The following PES1 variants were observed in gnomAD, a reference collection of about 807,000 sequenced individuals.
The protein encoded by PES1 is pescadillo ribosomal biogenesis factor 1.
Under a neutral mutation model 77.1 loss-of-function variants are expected in PES1, and 31 were observed. That is an observed-to-expected ratio of 0.40 (90% CI 0.30 to 0.54). The LOEUF is 0.54. PES1 is among the 20% of genes least tolerant of loss of function. The pLI is 0.45. For synonymous variants in PES1, 282 were observed against 303.0 expected, an observed-to-expected ratio of 0.93 and a Z score of 0.72; for missense variants, 658 against 771.7, an observed-to-expected ratio of 0.85 and a Z score of 1.75.
At chr22:30,602,742 A>G (rs946500261) in intron 2 of PES1, among the ~76,000 whole-genome samples, 1 of 151,918 alleles carries the variant, frequency 6.6e-6, no homozygotes, top group Non-Finnish European at 1.5e-5. Context: ...GAAGTTTTAT[A>G]GTTTTGTGTT....
chr22:30,606,972 C>A, exon 1 of PES1: 1 of 835,456 alleles, frequency 1.2e-6, no homozygotes, highest in Non-Finnish European at 1.6e-6. Flanking sequence ...ACAGACTTGA[C>A]AGATCAGGCA....
At chr22:30,603,395 T>A (rs1258764879) in intron 2 of PES1, among the ~76,000 whole-genome samples, 3 of 151,882 alleles carry the variant, frequency 2.0e-5, no homozygotes, top group African/African-American at 7.3e-5. Context: ...GTTTTTTGTT[T>A]CTCCGAGATG....
At chr22:30,602,679 C>A (rs1029141530) in intron 2 of PES1, among the ~76,000 whole-genome samples, 1 of 152,026 alleles carries the variant, frequency 6.6e-6, no homozygotes, top group Non-Finnish European at 1.5e-5. Flanking sequence ...ACAATTATTT[C>A]TTTGATGGAC....
chr22:30,602,730 T>A (rs568689612), intron 2 of PES1, among the ~76,000 whole-genome samples: 2 of 152,258 alleles, frequency 1.3e-5, no homozygotes, highest in Admixed American at 1.3e-4. Context: ...TCACCTCTTC[T>A]TGAAGTTTTA....
At chr22:30,596,109 G>C (rs2087248897), upstream of PES1, among the ~76,000 whole-genome samples, 5 of 152,104 alleles carry the variant, frequency 3.3e-5, no homozygotes, top group Admixed American at 3.3e-4. Flanking sequence ...AAAATTCAGA[G>C]CTCAAATGGT....
At position 30,577,033 on chromosome 22, in the gene PES1, G is replaced by C. The variant is rs760004066; in HGVS notation, c.*13C>G. The C allele has an allele frequency of 1.9e-6, 3 of 1,608,846 alleles. No homozygotes were observed. The highest frequency in any genetic ancestry group is 2.6e-6 in the Non-Finnish European group (3 of 1,175,946). On this transcript the variant is annotated 3_prime_UTR_variant, in exon 15 of 15. Coordinates refer to ENST00000354694, the MANE Select transcript of PES1 (RefSeq NM_014303.4). ...TAGGGGCTGGCCTCAGCCCTGTGAG[G>C]GGCCGCAGGCACTCACTCCGGCCTT...
chr22:30,600,959 A>G (rs1314041888), intron 2 of PES1, among the ~76,000 whole-genome samples: 1 of 152,230 alleles, frequency 6.6e-6, no homozygotes, highest in Non-Finnish European at 1.5e-5. Flanking sequence ...AGGTAATCTC[A>G]GGGTTTATCC....
At chr22:30,589,046 C>A in intron 2 of PES1, 145 bp downstream of exon 2, 1 of 617,674 alleles carries the variant, frequency 1.6e-6, no homozygotes, top group Non-Finnish European at 2.9e-6. Flanking sequence ...CTAGCAAACA[C>A]AACTCACTAA....
Position 30,589,366 on chromosome 22 carries a change from G to A in PES1, c.25-96C>T, listed in dbSNP as rs1602019312. On this transcript the variant is annotated intron_variant, in intron 1 of 14. Transcript: ENST00000354694. The stretch of plus-strand genomic sequence containing the variant: ...TAGTTCCAGAGGCAACTATCACTCT[G>A]GATAAGTGGCTGAGATGAGTCTAGG... 11 of 1,030,594 alleles carry A rather than the reference G, an allele frequency of 1.1e-5. No individual in the cohort carries two copies. The East Asian group carries it at 2.6e-4, about 24-fold the overall frequency. 63.8% of individuals were successfully genotyped at this position (1,030,594 alleles called of 1,614,324 possible).
In PES1 at chr22:30,581,298, T is replaced by TG. The variant is rs1265417768; in HGVS notation, c.822+35dup. On this transcript the variant is annotated intron_variant, in intron 8 of 14. Transcript: ENST00000354694. ...GTGTTGGGGACAGAGACCACTCCCT[T>TG]GGGAGATGCCGGATGATGCTCCTGG... 5.6e-6 allele frequency: 9 copies of TG among 1,602,656 alleles called. No homozygotes were observed. In the African/African-American group the frequency reaches 1.1e-4, roughly 19 times the overall value.
At chr22:30,584,100 G>T in intron 6 of PES1, 1 of 515,890 alleles carries the variant, frequency 1.9e-6, no homozygotes, top group Non-Finnish European at 3.5e-6. Flanking sequence ...ACTGTTAAGG[G>T]TGTAGACACT....
At position 30,584,278 on chromosome 22, in the gene PES1, C is replaced by A; in HGVS notation, c.630+87G>T. ...TTGGGAACCCAGCACTTGCTAAACT[C>A]CATGGACAGCAAAATCCCCCTTCCT... On this transcript the variant is annotated intron_variant, in intron 6 of 14. Transcript: ENST00000354694. 4 of 1,088,438 alleles carry A rather than the reference C, an allele frequency of 3.7e-6. No individual in the cohort carries two copies. In the South Asian group the frequency reaches 5.5e-5, roughly 15 times the overall value. 67.4% of individuals were successfully genotyped at this position (1,088,438 alleles called of 1,614,324 possible).
At position 30,580,046 on chromosome 22, in the gene PES1, G is replaced by T. The variant is rs1271604980; in HGVS notation, c.1169+7C>A. The T allele has an allele frequency of 6.2e-7, 1 of 1,613,522 alleles. No individual in the cohort carries two copies. Among genetic ancestry groups the T allele is most frequent in the Non-Finnish European group, 8.5e-7 (1 of 1,179,748 alleles). On this transcript the variant is annotated splice_region_variant and intron_variant, in intron 11 of 14. Coordinates refer to ENST00000354694, the MANE Select transcript of PES1 (RefSeq NM_014303.4). Reference sequence around the variant, plus strand: ...AGAAATCCGGACGAGGACCCTTGAGGGCCTACCTGCCAATGACTGAGGTCT... The same window carrying T: ...AGAAATCCGGACGAGGACCCTTGAGTGCCTACCTGCCAATGACTGAGGTCT...
chr22:30,599,385 C>G (rs1449538521), intron 2 of PES1, among the ~76,000 whole-genome samples: 1 of 151,878 alleles, frequency 6.6e-6, no homozygotes, highest in Non-Finnish European at 1.5e-5. Flanking sequence ...TAAACCCAGC[C>G]GAAACCAAAA....
In PES1 at chr22:30,584,601, C is replaced by T. The variant is rs777868921; in HGVS notation, c.485G>A (p.Arg162His). Residue 162 changes from arginine (R) to histidine (H), a missense_variant, in exon 5 of 15, where the codon CGC (arginine) becomes CAC (histidine). By Grantham distance (29) the Arg-to-His change is conservative. Coordinates refer to ENST00000354694, the MANE Select transcript of PES1 (RefSeq NM_014303.4). ...GTGCATGAACTCCACAGTGAGCCGG[C>T]GGCACAGCTGAATGGTCTGCACGTG... ...KCHVQTIQLC[R>H]RLTVEFMHYI... is the part of the protein sequence containing the mutation. The T allele has an allele frequency of 8.7e-6, 14 of 1,613,220 alleles. 1 individual carries two copies. Among genetic ancestry groups the T allele is most frequent in the Middle Eastern group, 1.7e-4 (1 of 6,060 alleles).
chr22:30,606,087 A>G (rs976137943), intron 1 of PES1, among the ~76,000 whole-genome samples: 2 of 152,166 alleles, frequency 1.3e-5, no homozygotes, highest in African/African-American at 2.4e-5. Flanking sequence ...ACTCGTATAC[A>G]TTGATTCTCC....
At position 30,589,512 on chromosome 22, in the gene PES1, C is replaced by T. The variant is rs143551694; in HGVS notation, c.25-242G>A. On this transcript the variant is annotated intron_variant, in intron 1 of 14. Transcript: ENST00000354694. ...GATGCTGAGGGCTGCGAGGCTGCTA[C>T]GGATAGGGTGCTGTGCCAAGTGCTT... Among the ~76,000 whole-genome samples the T allele has an allele frequency of 2.6e-3, 396 of 152,324 alleles. 1 individual carries two copies. Among genetic ancestry groups the T allele is most frequent in the African/African-American group, 9.0e-3 (372 of 41,564 alleles).
In PES1 at chr22:30,580,059, A is replaced by G. The variant is rs533040622; in HGVS notation, c.1163T>C (p.Ile388Thr). The G allele has an allele frequency of 6.8e-6, 11 of 1,613,922 alleles. No individual in the cohort carries two copies. The African/African-American group carries it at 1.2e-4, about 18-fold the overall frequency. The change falls in exon 11 of 15, where the codon ATT becomes ACT. Residue 388 changes from isoleucine (I) to threonine (T), a missense_variant. Physicochemically the swap from Ile to Thr is moderately conservative, Grantham distance 89. Transcript: ENST00000354694. ...VDRPGQQTSVIGRCYVQPQWV... is the reference protein window; with the variant it reads ...VDRPGQQTSVTGRCYVQPQWV... ...AGGACCCTTGAGGGCCTACCTGCCA[A>G]TGACTGAGGTCTGCTGCCCAGGCCG... is the stretch of plus-strand genomic sequence containing the variant.
At chr22:30,589,543 T>C (rs1010945636) in intron 1 of PES1, among the ~76,000 whole-genome samples, 2 of 152,242 alleles carry the variant, frequency 1.3e-5, no homozygotes, top group African/African-American at 4.8e-5. Context: ...TGCTTAGCAC[T>C]AGCTCTAAAT....
Sources: gnomAD v4.1 joint callset for allele counts (sites outside exome capture counted in the v4.1 genomes callset) on GRCh38, gnomAD v4.1.1 for gene constraint, MANE v1.5 for transcripts, NCBI Gene and HGNC (gene_info 2026-07-23, HGNC 2026-07-21) for gene names.